RCHY1: variants seen among roughly 807,000 people sequenced by gnomAD.
RCHY1 encodes ring finger and CHY zinc finger domain containing 1, also known as RING finger and CHY zinc finger domain-containing protein 1.
In RCHY1, 21 loss-of-function variants were observed where a neutral mutation model predicts 41.6. That is an observed-to-expected ratio of 0.51 (90% CI 0.36 to 0.73). RCHY1 has a LOEUF of 0.73. RCHY1 is among the 30% of genes least tolerant of loss of function. RCHY1 has a pLI of 0.00. For synonymous variants in RCHY1, 79 were observed against 102.9 expected (o/e 0.77, Z 1.41); for missense variants, 265 against 325.3 (o/e 0.81, Z 1.43).
chr4:75,502,034 T>A (rs1442182275), intron 3 of RCHY1, among the ~76,000 whole-genome samples: 2 of 151,694 alleles, frequency 1.3e-5, no homozygotes, highest in East Asian at 3.9e-4. Context: ...ACAGTGCCAT[T>A]GTACAACAGC....
rs1172156343 is a variant in RCHY1 at position 75,490,686 on chromosome 4, T to G, written c.552A>C (p.Pro184=). The change falls in exon 8 of 9, where the codon CCA becomes CCC. Residue 184 remains proline (P), a synonymous_variant. Coordinates refer to ENST00000324439, the MANE Select transcript of RCHY1 (RefSeq NM_015436.4). ...EEMLKEGYRC[P]LCMHSALDMT... ...TATCTAAAGCAGAGTGCATACATAATGGACATCTGTAGCCTCTGAAAGAGA... is the reference window on the plus strand; with the variant it reads ...TATCTAAAGCAGAGTGCATACATAAGGGACATCTGTAGCCTCTGAAAGAGA... 3 of 1,607,724 alleles carry G rather than the reference T, an allele frequency of 1.9e-6. No individual in the cohort carries two copies. The highest frequency in any genetic ancestry group is 1.3e-5 in the African/African-American group (1 of 74,810).
At chr4:75,483,262 CAA>C (rs944487778) in intron 8 of RCHY1, among the ~76,000 whole-genome samples, 11 of 152,068 alleles carry the variant, frequency 7.2e-5, no homozygotes, top group Non-Finnish European at 1.5e-4. Context: ...TGAAAAATAA[CAA>C]AGGTGTTAAC....
chr4:75,487,614 T>TAATATATATATTCATATATATTCAG (rs1722225195), intron 8 of RCHY1, among the ~76,000 whole-genome samples: 1 of 23,204 alleles, frequency 4.3e-5, no homozygotes, highest in Non-Finnish European at 7.4e-5. Context: ...TATATATTCA[T>TAATATATATATTCATATATATTCAG]AATATATATA....
intron 8 of RCHY1, among the ~76,000 whole-genome samples, chr4:75,488,038 G>A (rs1173284117): frequency 6.7e-6 from 1 of 148,822 alleles, no homozygotes; most frequent in East Asian, 1.9e-4. Flanking sequence ...TGCTACAAAG[G>A]GCCCCTGCGG....
chr4:75,479,180 TAC>T lies in RCHY1; in HGVS notation c.*3356_*3357del, dbSNP rs1271144153. 1 of 152,148 alleles carries T rather than the reference TAC, an allele frequency of 6.6e-6. No individual in the cohort carries two copies. The highest frequency in any genetic ancestry group is 1.5e-5 in the Non-Finnish European group (1 of 67,994). 9.4% of individuals were successfully genotyped at this position (152,148 alleles called of 1,614,324 possible). A position where few individuals can be genotyped will look rare whatever the true frequency, so the allele number is the denominator to read the frequency against. On this transcript the variant is annotated 3_prime_UTR_variant, in exon 9 of 9. Transcript: ENST00000324439. ...AAATGGTATGAGGCAATAAATTTAT[TAC>T]ATTGATTTAATCATTCTACACTGTA...
chr4:75,512,827 T>A (rs1466979576), intron 1 of RCHY1, among the ~76,000 whole-genome samples: 1 of 146,294 alleles, frequency 6.8e-6, no homozygotes, highest in African/African-American at 2.5e-5. Flanking sequence ...TTCTCAGTTA[T>A]CTTACTCAAA....
chr4:75,487,180 G>A (rs1314363202), intron 8 of RCHY1, among the ~76,000 whole-genome samples: 1 of 151,810 alleles, frequency 6.6e-6, no homozygotes, highest in Non-Finnish European at 1.5e-5. Flanking sequence ...ATTAAAATTC[G>A]CTTTAGTCCT....
At chr4:75,489,380 C>G (rs928009040) in intron 8 of RCHY1, among the ~76,000 whole-genome samples, 3 of 152,090 alleles carry the variant, frequency 2.0e-5, no homozygotes, top group African/African-American at 7.2e-5. Flanking sequence ...ATTACAGTAC[C>G]TAAAAGGTTA....
intron 1 of RCHY1, among the ~76,000 whole-genome samples, chr4:75,511,685 A>G (rs1724894198): frequency 6.6e-6 from 1 of 152,116 alleles, no homozygotes; most frequent in African/African-American, 2.4e-5. Context: ...AACATTTTTA[A>G]GTGAAGCTGG....
rs915156830 is a variant in RCHY1 at position 75,489,275 on chromosome 4, A to C, written c.657+1306T>G. Among the ~76,000 whole-genome samples, 13 of 152,318 alleles carry C rather than the reference A, an allele frequency of 8.5e-5. No individual in the cohort carries two copies. In the East Asian group the frequency reaches 1.7e-3, roughly 20 times the overall value. On this transcript the variant is annotated intron_variant, in intron 8 of 8. Coordinates refer to ENST00000324439, the MANE Select transcript of RCHY1 (RefSeq NM_015436.4). ...GTACATTTCTGCTACCTGATGGGCCATTTAAGTATTTATAGAAGGATTACA... is the reference window on the plus strand; with the variant it reads ...GTACATTTCTGCTACCTGATGGGCCCTTTAAGTATTTATAGAAGGATTACA...
At position 75,487,867 on chromosome 4, in the gene RCHY1, A is replaced by ATATATATTCAT. The variant is rs1553917724; in HGVS notation, c.657+2713_657+2714insATGAATATATA. On this transcript the variant is annotated intron_variant, in intron 8 of 8. Coordinates refer to ENST00000324439, the MANE Select transcript of RCHY1 (RefSeq NM_015436.4). ...ATATATTCATAATATATATATTCAT[A>ATATATATTCAT]ATATATATTCATAATATATATATTC... Among the ~76,000 whole-genome samples, 3 of 70,834 alleles carry ATATATATTCAT rather than the reference A, an allele frequency of 4.2e-5. No individual in the cohort carries two copies. In the South Asian group the frequency reaches 1.2e-3, roughly 28 times the overall value. The allele number at this position is 70,834 out of a possible 152,430, so 46.5% of individuals were successfully genotyped here.
At chr4:75,494,071 T>C (rs1722971404) in intron 4 of RCHY1, 30 bp downstream of exon 4, 1 of 1,294,286 alleles carries the variant, frequency 7.7e-7, no homozygotes, top group African/African-American at 1.6e-5. Flanking sequence ...ACTGTAATAT[T>C]TTTAAAATTA....
chr4:75,480,490 A>G lies in RCHY1; in HGVS notation c.*2048T>C, dbSNP rs1336064264. On this transcript the variant is annotated 3_prime_UTR_variant, in exon 9 of 9. Transcript: ENST00000324439. ...ATATAGTGTCTGTTATTTACCCCCA[A>G]TGTGTCATTTTAACCTCTAAACCTC... 2.0e-5 allele frequency: 3 copies of G among 152,090 alleles called. No individual in the cohort carries two copies. Among genetic ancestry groups the G allele is most frequent in the Admixed American group, 2.0e-4 (3 of 15,240 alleles). The allele number at this position is 152,090 out of a possible 1,614,324, so 9.4% of individuals were successfully genotyped here. A position where few individuals can be genotyped will look rare whatever the true frequency, so the allele number is the denominator to read the frequency against.
chr4:75,503,128 G>A (rs1223286002), intron 3 of RCHY1, among the ~76,000 whole-genome samples: 1 of 152,190 alleles, frequency 6.6e-6, no homozygotes, highest in Non-Finnish European at 1.5e-5. Flanking sequence ...ATTATAGGAT[G>A]TTTAGTAGCA....
intron 3 of RCHY1, among the ~76,000 whole-genome samples, chr4:75,506,355 A>G (rs1015660964): frequency 5.9e-5 from 9 of 152,170 alleles, no homozygotes; most frequent in African/African-American, 1.9e-4. Flanking sequence ...GAGAAAAAAC[A>G]GAAAACAAAA....
chr4:75,502,576 A>T (rs1021621892), intron 3 of RCHY1, among the ~76,000 whole-genome samples: 21 of 152,194 alleles, frequency 1.4e-4, no homozygotes, highest in African/African-American at 4.6e-4. Context: ...AAAGAAGAAA[A>T]TCTACTTTTT....
rs1161862700 is a variant in RCHY1 at position 75,494,088 on chromosome 4, C to G, written c.405+13G>C. On this transcript the variant is annotated intron_variant, in intron 4 of 8. Coordinates refer to ENST00000324439, the MANE Select transcript of RCHY1 (RefSeq NM_015436.4). Reference sequence around the variant, plus strand: ...TGTAATATTTTTAAAATTATACAAACTAAATTATATACCTTGTGTCTTCCT... The same window carrying G: ...TGTAATATTTTTAAAATTATACAAAGTAAATTATATACCTTGTGTCTTCCT... 7.0e-7 allele frequency: 1 copy of G among 1,431,464 alleles called. No homozygotes were observed. The highest frequency in any genetic ancestry group is 9.5e-7 in the Non-Finnish European group (1 of 1,053,786). 88.7% of individuals were successfully genotyped at this position (1,431,464 alleles called of 1,614,324 possible). A position where few individuals can be genotyped will look rare whatever the true frequency, so the allele number is the denominator to read the frequency against.
At chr4:75,500,603 T>A (rs1267005153) in intron 3 of RCHY1, among the ~76,000 whole-genome samples, 1 of 152,154 alleles carries the variant, frequency 6.6e-6, no homozygotes, top group Non-Finnish European at 1.5e-5. Context: ...TTGCTTACAG[T>A]GATTCTTGCC....
chr4:75,511,825 AC>A (rs1724911187), intron 1 of RCHY1, among the ~76,000 whole-genome samples: 1 of 152,016 alleles, frequency 6.6e-6, no homozygotes, highest in South Asian at 2.1e-4. Flanking sequence ...AAAAAAAAAA[AC>A]AAATATCTTA....
Sources: allele counts gnomAD v4.1 joint callset (sites outside exome capture counted in the v4.1 genomes callset), GRCh38; gene constraint gnomAD v4.1.1; transcripts MANE v1.5; gene names NCBI Gene and HGNC (gene_info 2026-07-23, HGNC 2026-07-21).